SUPT3H: variants seen among roughly 807,000 people sequenced by gnomAD.
SUPT3H encodes the protein SPT3 homolog, SAGA and STAGA complex component, also known as transcription initiation protein SPT3 homolog.
A neutral mutation model predicts 44.3 loss-of-function variants in SUPT3H; 44 were observed. The observed-to-expected ratio is 0.99, with a 90% CI of 0.78 to 1.28. The LOEUF is 1.28. Among genes scored for constraint, SUPT3H ranks in the 50% most tolerant of loss-of-function variants. The pLI, the probability that SUPT3H is intolerant of heterozygous loss-of-function variation, is 0.00. For synonymous variants in SUPT3H, 124 were observed against 125.6 expected (o/e 0.99, Z 0.09); for missense variants, 380 against 387.1 (o/e 0.98, Z 0.15).
rs138168674 is a variant in SUPT3H at position 45,158,293 on chromosome 6, TATATA to T, written c.102-52292_102-52288del. ...AAATATACATATATATATATATATA[TATATA>T]TTTTTTTTTTTTTTTTTTTGAGATG... On this transcript the variant is annotated intron_variant, in intron 2 of 10. Transcript: ENST00000371459. Among the ~76,000 whole-genome samples the T allele has an allele frequency of 5.2e-3, 241 of 46,788 alleles. 10 individuals carry two copies. Among genetic ancestry groups the T allele is most frequent in the African/African-American group, 8.1e-3 (130 of 16,066 alleles). 30.7% of individuals were successfully genotyped at this position (46,788 alleles called of 152,430 possible). A position where few individuals can be genotyped will look rare whatever the true frequency, so the allele number is the denominator to read the frequency against.
intron 3 of SUPT3H, among the ~76,000 whole-genome samples, chr6:45,091,637 A>T (rs186144514): frequency 6.6e-6 from 1 of 152,152 alleles, no homozygotes. Flanking sequence ...AGTATCTTCT[A>T]ACTCTCTAGG....
At chr6:45,065,500 C>CA (rs1232684559) in intron 3 of SUPT3H, among the ~76,000 whole-genome samples, 5 of 151,148 alleles carry the variant, frequency 3.3e-5, no homozygotes, top group African/African-American at 1.2e-4. Flanking sequence ...AAAAACCCTT[C>CA]AAAAATCAAT....
chr6:45,100,541 TAAA>T (rs58120512), intron 3 of SUPT3H, among the ~76,000 whole-genome samples: 230 of 33,440 alleles, frequency 6.9e-3, no homozygotes, highest in Non-Finnish European at 9.1e-3. Flanking sequence ...ACCCTGTACT[TAAA>T]AAAAAAAAAA....
chr6:44,845,305 C>T (rs753144153), intron 10 of SUPT3H, among the ~76,000 whole-genome samples: 2 of 152,204 alleles, frequency 1.3e-5, no homozygotes, highest in African/African-American at 2.4e-5. Context: ...TCTAAGCCAT[C>T]CATTCATAAG....
intron 11 of SUPT3H, among the ~76,000 whole-genome samples, chr6:44,811,509 A>C (rs1382039589): frequency 1.3e-5 from 2 of 152,224 alleles, no homozygotes; most frequent in Non-Finnish European, 2.9e-5. Flanking sequence ...CTACTTTCCC[A>C]TTCCCTACAG....
At chr6:45,003,867 T>G in intron 5 of SUPT3H, 75 bp from the exon 6 acceptor site, 2 of 1,466,268 alleles carry the variant, frequency 1.4e-6, no homozygotes, top group Non-Finnish European at 1.8e-6. Flanking sequence ...TTACATGTAT[T>G]AAATATAGTA....
chr6:45,141,002 C>T (rs1013425959), intron 2 of SUPT3H, among the ~76,000 whole-genome samples: 1 of 152,076 alleles, frequency 6.6e-6, no homozygotes, highest in Middle Eastern at 3.2e-3. Flanking sequence ...TGTTCACCAG[C>T]AATGGATCTA....
At chr6:45,092,951 A>G (rs1277493153) in intron 3 of SUPT3H, among the ~76,000 whole-genome samples, 1 of 152,130 alleles carries the variant, frequency 6.6e-6, no homozygotes, top group African/African-American at 2.4e-5. Context: ...ACTAGAATTG[A>G]AATTATCAGC....
At chr6:45,145,721 G>A (rs1027878710) in intron 2 of SUPT3H, among the ~76,000 whole-genome samples, 3 of 151,912 alleles carry the variant, frequency 2.0e-5, no homozygotes, top group African/African-American at 4.8e-5. Context: ...AATCAGCAGA[G>A]TAAACAACCC....
At chr6:45,354,027 T>C (rs1338238526) in intron 2 of SUPT3H, among the ~76,000 whole-genome samples, 2 of 152,126 alleles carry the variant, frequency 1.3e-5, no homozygotes, top group Non-Finnish European at 2.9e-5. Flanking sequence ...AAACACAATA[T>C]TTTTACTGTT....
chr6:45,350,172 C>G lies in SUPT3H; in HGVS notation c.101+15029G>C, dbSNP rs570697250. On this transcript the variant is annotated intron_variant, in intron 2 of 10. Coordinates refer to ENST00000371459, the MANE Select transcript of SUPT3H (RefSeq NM_003599.4). ...TATTTCTAATACAATTAGAATGTAG[C>G]CCTGAGATTAAGGATTTTGTGTTTG... 2.0e-5 allele frequency among the ~76,000 whole-genome samples: 3 copies of G among 152,172 alleles called. No individual in the cohort carries two copies. The South Asian group carries it at 6.2e-4, about 32-fold the overall frequency.
rs1768242173 is a variant in SUPT3H at position 44,829,537 on chromosome 6, C to T, written c.*279G>A. 3 of 315,734 alleles carry T rather than the reference C, an allele frequency of 9.5e-6. No homozygotes were observed. The highest frequency in any genetic ancestry group is 1.7e-5 in the Non-Finnish European group (3 of 172,242). 19.6% of individuals were successfully genotyped at this position (315,734 alleles called of 1,614,324 possible). A position where few individuals can be genotyped will look rare whatever the true frequency, so the allele number is the denominator to read the frequency against. ...ATGTGAGCTGAGGGCAGTAAATCTA[C>T]TCAAATTAAAATTTCAAAACTGTGT... On this transcript the variant is annotated 3_prime_UTR_variant, in exon 11 of 11. Coordinates refer to ENST00000371459, the MANE Select transcript of SUPT3H (RefSeq NM_003599.4).
chr6:45,135,694 T>C (rs1354179030), intron 2 of SUPT3H, among the ~76,000 whole-genome samples: 1 of 152,208 alleles, frequency 6.6e-6, no homozygotes, highest in Non-Finnish European at 1.5e-5. Flanking sequence ...TGTGAGGTTA[T>C]ACCAAACTTT....
In SUPT3H at chr6:45,039,917, C is replaced by T. The variant is rs181562843; in HGVS notation, c.187-19285G>A. On this transcript the variant is annotated intron_variant, in intron 3 of 10. Coordinates refer to ENST00000371459, the MANE Select transcript of SUPT3H (RefSeq NM_003599.4). ...CTTGAATAAAATGCACAAGATGTTCCAGATTAGGACAACTGTTATACAAAT... is the reference window on the plus strand; with the variant it reads ...CTTGAATAAAATGCACAAGATGTTCTAGATTAGGACAACTGTTATACAAAT... Among the ~76,000 whole-genome samples, 31 of 151,824 alleles carry T rather than the reference C, an allele frequency of 2.0e-4. No homozygotes were observed. In the East Asian group the frequency reaches 3.5e-3, roughly 17 times the overall value.
At chr6:45,330,036 T>G (rs1787135698) in intron 2 of SUPT3H, among the ~76,000 whole-genome samples, 1 of 151,984 alleles carries the variant, frequency 6.6e-6, no homozygotes, top group South Asian at 2.1e-4. Context: ...AGTCTCAGTT[T>G]AGGTCAAACA....
At position 44,887,529 on chromosome 6, in the gene SUPT3H, A is replaced by C. The variant is rs948963581; in HGVS notation, c.912+45124T>G. 1.8e-4 allele frequency among the ~76,000 whole-genome samples: 27 copies of C among 152,308 alleles called. 1 individual carries two copies. The highest frequency in any genetic ancestry group is 8.3e-4 in the South Asian group (4 of 4,816). ...GCTCCTGAATGACTACTGGGTACAT[A>C]ATGAAATGAAGGCAGAAATAAAGAT... On this transcript the variant is annotated intron_variant, in intron 10 of 10. Transcript: ENST00000371459.
rs549933528 is a variant in SUPT3H, at chr6:45,078,176, C to T, written c.186+27746G>A. Among the ~76,000 whole-genome samples, 33 of 152,038 alleles carry T rather than the reference C, an allele frequency of 2.2e-4. 1 individual carries two copies. The highest frequency in any genetic ancestry group is 1.5e-3 in the South Asian group (7 of 4,816). ...GTGTGAGCCACCATGTCCAGTCCTC[C>T]GGTCATTTTATACCTCCTTTCTTCC... On this transcript the variant is annotated intron_variant, in intron 3 of 10. Transcript: ENST00000371459.
intron 10 of SUPT3H, among the ~76,000 whole-genome samples, chr6:44,900,805 G>A (rs564527714): frequency 2.4e-4 from 37 of 152,230 alleles, no homozygotes; most frequent in African/African-American, 8.4e-4. Context: ...ACACGGCCGG[G>A]TACTCCCCTG....
intron 3 of SUPT3H, among the ~76,000 whole-genome samples, chr6:45,091,429 G>A (rs16873131): frequency 0.13 from 19,259 of 151,472 alleles, 1,489 homozygotes; most frequent in East Asian, 0.26. Context: ...GAATTAGAAG[G>A]GACCTTACAG....
Sources: allele counts gnomAD v4.1 joint callset (sites outside exome capture counted in the v4.1 genomes callset), GRCh38; gene constraint gnomAD v4.1.1; transcripts MANE v1.5; gene names NCBI Gene and HGNC (gene_info 2026-07-23, HGNC 2026-07-21).